The following TNN variants were observed in gnomAD, a reference collection of about 807,000 sequenced individuals.
TNN encodes tenascin N, also known as tenascin-N.
Under a neutral mutation model 134.4 loss-of-function variants are expected in TNN, and 122 were observed. That is an observed-to-expected ratio of 0.91 (90% CI 0.78 to 1.06). The LOEUF (loss-of-function observed/expected upper bound fraction) is 1.06. Ranked by LOEUF, TNN falls within the 50% of genes least tolerant of loss-of-function variation. TNN has a pLI of 0.00. For synonymous variants in TNN, 710 were observed against 670.3 expected (o/e 1.06, Z -0.91); for missense variants, 1,739 against 1,699.4 (o/e 1.02, Z -0.41).
intron 18 of TNN, among the ~76,000 whole-genome samples, chr1:175,144,905 G>A (rs1676026902): frequency 6.6e-6 from 1 of 152,144 alleles, no homozygotes; most frequent in Non-Finnish European, 1.5e-5. Flanking sequence ...AGACCAGGTG[G>A]CTCAAACAAC....
rs1262071779 is a variant in TNN, at chr1:175,079,563, C to T, written c.640C>T (p.Arg214Cys). ...ENCSGHGECV[R>C]GVCQCHEDFM... The stretch of plus-strand genomic sequence containing the variant: ...CTGCAGCGGACACGGCGAGTGCGTG[C>T]GCGGCGTGTGCCAGTGCCACGAAGA... The change falls in exon 3 of 19, where the codon CGC (arginine) becomes TGC (cysteine). Residue 214 changes from arginine (R) to cysteine (C), a missense_variant. Arg to Cys is a radical substitution (Grantham distance 180). Transcript: ENST00000239462. 1.1e-5 allele frequency: 17 copies of T among 1,577,228 alleles called. No individual in the cohort carries two copies. Among genetic ancestry groups the T allele is most frequent in the Admixed American group, 3.6e-5 (2 of 54,846 alleles).
At chr1:175,098,968 C>T (rs2149433371) in intron 9 of TNN, among the ~76,000 whole-genome samples, 1 of 152,278 alleles carries the variant, frequency 6.6e-6, no homozygotes, top group Non-Finnish European at 1.5e-5. Context: ...AATTCCTCAC[C>T]TGTTTAAACC....
In TNN at chr1:175,097,580, C is replaced by T. The variant is rs1674600962; in HGVS notation, c.1752C>T (p.Ser584=). ...REVLVGKEQS[S]TVLTGLRPGV... ...TTCTGGTGGGGAAGGAGCAGAGCAGCACTGTCCTGACAGGCCTGAGGCCAG... is the reference window on the plus strand; with the variant it reads ...TTCTGGTGGGGAAGGAGCAGAGCAGTACTGTCCTGACAGGCCTGAGGCCAG... The change falls in exon 8 of 19, where the codon AGC becomes AGT. Residue 584 remains serine (S), a synonymous_variant. Coordinates refer to ENST00000239462, the MANE Select transcript of TNN (RefSeq NM_022093.2). The T allele has an allele frequency of 1.9e-6, 3 of 1,614,082 alleles. No homozygotes were observed. The highest frequency in any genetic ancestry group is 2.5e-6 in the Non-Finnish European group (3 of 1,180,060).
At chr1:175,128,502 C>A in intron 14 of TNN, 93 bp from the exon 15 acceptor site, 1 of 1,416,538 alleles carries the variant, frequency 7.1e-7, no homozygotes, top group Non-Finnish European at 9.5e-7. Flanking sequence ...GAAATAATTT[C>A]CAAACAAAAT....
chr1:175,132,042 G>A (rs996348833), intron 15 of TNN, among the ~76,000 whole-genome samples: 1 of 151,880 alleles, frequency 6.6e-6, no homozygotes, highest in African/African-American at 2.4e-5. Flanking sequence ...ATTCTAGGGG[G>A]GCAGGGTTGG....
At position 175,087,793 on chromosome 1, in the gene TNN, C is replaced by G. The variant is rs147685368; in HGVS notation, c.1324+2299C>G. Among the ~76,000 whole-genome samples the G allele has an allele frequency of 8.6e-4, 131 of 152,332 alleles. 1 individual carries two copies. The highest frequency in any genetic ancestry group is 3.0e-3 in the African/African-American group (124 of 41,576). On this transcript the variant is annotated intron_variant, in intron 6 of 18. Coordinates refer to ENST00000239462, the MANE Select transcript of TNN (RefSeq NM_022093.2). The stretch of plus-strand genomic sequence containing the variant: ...CCTCACTTCAGATGCCTGTCACAGT[C>G]CCCAGGTTAGGACCTGTACTTCTGA...
In TNN at chr1:175,095,561, T is replaced by A. The variant is rs905206041; in HGVS notation, c.1588+1308T>A. 3.3e-5 allele frequency among the ~76,000 whole-genome samples: 5 copies of A among 152,070 alleles called. No homozygotes were observed. The East Asian group carries it at 7.7e-4, about 23-fold the overall frequency. On this transcript the variant is annotated intron_variant, in intron 7 of 18. Transcript: ENST00000239462. ...AAAAGAAAGAGCATTTGGGTCAGCATTTTTGTTTGTTTGTTTGTTTTGTTT... is the reference window on the plus strand; with the variant it reads ...AAAAGAAAGAGCATTTGGGTCAGCAATTTTGTTTGTTTGTTTGTTTTGTTT...
At chr1:175,136,696 C>T (rs1675820068) in intron 16 of TNN, 125 bp from the exon 17 acceptor site, 1 of 842,542 alleles carries the variant, frequency 1.2e-6, no homozygotes, top group African/African-American at 1.7e-5. Flanking sequence ...TGAGACTGCC[C>T]CTTATTAGCA....
At chr1:175,129,351 T>A (rs981939704) in intron 15 of TNN, among the ~76,000 whole-genome samples, 1 of 151,994 alleles carries the variant, frequency 6.6e-6, no homozygotes, top group Non-Finnish European at 1.5e-5. Flanking sequence ...ATACCTAACT[T>A]TCTGGGAATG....
At chr1:175,120,644 T>C (rs1208771694) in intron 11 of TNN, among the ~76,000 whole-genome samples, 5 of 152,200 alleles carry the variant, frequency 3.3e-5, no homozygotes, top group Non-Finnish European at 7.3e-5. Context: ...TCAGCCCTTC[T>C]CATGTTCCAT....
chr1:175,092,755 T>C (rs764255927), intron 6 of TNN, among the ~76,000 whole-genome samples: 16 of 152,164 alleles, frequency 1.1e-4, no homozygotes, highest in Non-Finnish European at 2.1e-4. Flanking sequence ...CCCTCAGATA[T>C]CCCTGTCTCT....
At position 175,069,305 on chromosome 1, in the gene TNN, A is replaced by G. The variant is rs180793299; in HGVS notation, c.-36+1370A>G. ...CAGAATCAAGGTGACAGTGTCAGAC[A>G]CAGGAAAAAATAGAGTATCAATACT... On this transcript the variant is annotated intron_variant, in intron 1 of 18. Coordinates refer to ENST00000239462, the MANE Select transcript of TNN (RefSeq NM_022093.2). Among the ~76,000 whole-genome samples, 173 of 152,318 alleles carry G rather than the reference A, an allele frequency of 1.1e-3. 1 individual carries two copies. The highest frequency in any genetic ancestry group is 3.4e-3 in the Middle Eastern group (1 of 294).
At chr1:175,069,871 A>C (rs190256526) in intron 1 of TNN, among the ~76,000 whole-genome samples, 31 of 152,372 alleles carry the variant, frequency 2.0e-4, no homozygotes, top group Middle Eastern at 3.4e-3. Context: ...TTGCTAGAAG[A>C]CTGGAACTTT....
Position 175,106,878 on chromosome 1 carries a change from C to T in TNN, c.2119+8283C>T, listed in dbSNP as rs1014116171. Among the ~76,000 whole-genome samples the T allele has an allele frequency of 4.1e-5, 6 of 145,852 alleles. 1 individual carries two copies. On this transcript the variant is annotated intron_variant, in intron 9 of 18. Coordinates refer to ENST00000239462, the MANE Select transcript of TNN (RefSeq NM_022093.2). ...GTTGGGGGTTGTTAGAGAGCCCTTT[C>T]CCAGAAAGCTTGACACCCGTGTCTT...
chr1:175,098,671 G>C, intron 9 of TNN, 76 bp downstream of exon 9: 2 of 1,591,784 alleles, frequency 1.3e-6, no homozygotes, highest in Non-Finnish European at 8.5e-7. Flanking sequence ...CTCTGACCTT[G>C]GCATAAAGGG....
chr1:175,132,899 G>C lies in TNN; in HGVS notation c.3331-2946G>C, dbSNP rs145131603. ...CAGGGTAACCTACTCTCTCTTCCCG[G>C]AGAAAAATATAAAGAAGGCACAAAT... On this transcript the variant is annotated intron_variant, in intron 15 of 18. Coordinates refer to ENST00000239462, the MANE Select transcript of TNN (RefSeq NM_022093.2). Among the ~76,000 whole-genome samples the C allele has an allele frequency of 1.2e-4, 18 of 152,346 alleles. No individual in the cohort carries two copies. The East Asian group carries it at 3.3e-3, about 28-fold the overall frequency.
At chr1:175,131,106 T>G (rs1675664579) in intron 15 of TNN, among the ~76,000 whole-genome samples, 1 of 152,226 alleles carries the variant, frequency 6.6e-6, no homozygotes, top group Non-Finnish European at 1.5e-5. Context: ...CTCTGTTTTA[T>G]TGAGCTTTCA....
intron 1 of TNN, among the ~76,000 whole-genome samples, chr1:175,071,032 T>G (rs916223200): frequency 2.6e-5 from 4 of 152,230 alleles, no homozygotes; most frequent in African/African-American, 9.6e-5. Context: ...CATAGTTTAA[T>G]GATATCCACC....
chr1:175,091,559 T>TA (rs1558353471), intron 6 of TNN, among the ~76,000 whole-genome samples: 1 of 141,688 alleles, frequency 7.1e-6, no homozygotes, highest in Admixed American at 7.0e-5. Context: ...TATTTATTAT[T>TA]TTTATTTATT....
Sources: allele counts gnomAD v4.1 joint callset (sites outside exome capture counted in the v4.1 genomes callset), GRCh38; gene constraint gnomAD v4.1.1; transcripts MANE v1.5; gene names NCBI Gene and HGNC (gene_info 2026-07-23, HGNC 2026-07-21).